The following SRGAP1 variants were observed in gnomAD, a reference collection of about 807,000 sequenced individuals.
The protein encoded by SRGAP1 is SLIT-ROBO Rho GTPase-activating protein 1.
SRGAP1 carries 43 observed loss-of-function variants against 121.9 expected under a neutral mutation model. The observed-to-expected ratio is 0.35, with a 90% confidence interval of 0.28 to 0.46. The LOEUF is 0.46. Ranked by LOEUF, SRGAP1 falls within the 20% of genes least tolerant of loss-of-function variation. The probability of loss-of-function intolerance (pLI) is 1.00; values close to 1 mark genes in which losing one functional copy is unlikely to be tolerated. For missense variants in SRGAP1, 1,102 were observed against 1,350.9 expected, an observed-to-expected ratio of 0.82 and a Z score of 2.89; for synonymous variants, 447 against 485.4, an observed-to-expected ratio of 0.92 and a Z score of 1.04.
At chr12:64,042,193 G>A (rs1488942749) in intron 4 of SRGAP1, among the ~76,000 whole-genome samples, 1 of 151,744 alleles carries the variant, frequency 6.6e-6, no homozygotes, top group African/African-American at 2.4e-5. Context: ...CAGCATACCC[G>A]GCCTATTTTT....
At chr12:64,057,154 A>G (rs1371030274) in intron 6 of SRGAP1, among the ~76,000 whole-genome samples, 1 of 152,114 alleles carries the variant, frequency 6.6e-6, no homozygotes, top group African/African-American at 2.4e-5. Context: ...GCTGAGGCAC[A>G]TGCAACTCAC....
At chr12:63,898,142 C>G (rs1900815292) in intron 1 of SRGAP1, among the ~76,000 whole-genome samples, 1 of 152,176 alleles carries the variant, frequency 6.6e-6, no homozygotes, top group African/African-American at 2.4e-5. Context: ...GTTGGTCTTT[C>G]AAAGCACACA....
intron 4 of SRGAP1, among the ~76,000 whole-genome samples, chr12:64,030,611 C>T (rs1443188779): frequency 1.3e-5 from 2 of 152,046 alleles, no homozygotes; most frequent in Admixed American, 1.3e-4. Flanking sequence ...ATGACTAATG[C>T]CCTGATTTAA....
intron 1 of SRGAP1, among the ~76,000 whole-genome samples, chr12:63,956,495 A>G (rs1038187201): frequency 2.0e-5 from 3 of 152,258 alleles, no homozygotes; most frequent in African/African-American, 7.2e-5. Flanking sequence ...CAACTTGTGT[A>G]AACGCCTTTA....
chr12:63,857,286 C>T (rs1267958113), intron 1 of SRGAP1, among the ~76,000 whole-genome samples: 1 of 152,044 alleles, frequency 6.6e-6, no homozygotes, highest in African/African-American at 2.4e-5. Context: ...TCCATGTTGG[C>T]CAGGCTGGTC....
At chr12:63,871,747 G>A (rs1899861829) in intron 1 of SRGAP1, 1 of 1,062,138 alleles carries the variant, frequency 9.4e-7, no homozygotes, top group Admixed American at 1.8e-5. Flanking sequence ...GTTTAGAACT[G>A]GATCACTTGG....
chr12:63,911,519 C>T (rs1258929102), intron 1 of SRGAP1, among the ~76,000 whole-genome samples: 4 of 152,096 alleles, frequency 2.6e-5, no homozygotes, highest in Admixed American at 2.0e-4. Flanking sequence ...GAAAAGACTT[C>T]GCTAGATTTG....
At chr12:64,132,237 C>A (rs2036796207) in intron 21 of SRGAP1, among the ~76,000 whole-genome samples, 1 of 152,166 alleles carries the variant, frequency 6.6e-6, no homozygotes. Flanking sequence ...ATCCTAGAGG[C>A]CTCCGCTGTG....
intron 8 of SRGAP1, among the ~76,000 whole-genome samples, chr12:64,069,582 G>C (rs767778610): frequency 1.3e-5 from 2 of 152,158 alleles, no homozygotes; most frequent in Admixed American, 6.5e-5. Flanking sequence ...CTGCCACACA[G>C]CCTTGTTCCC....
At chr12:63,887,106 T>C (rs899234274) in intron 1 of SRGAP1, among the ~76,000 whole-genome samples, 3 of 151,616 alleles carry the variant, frequency 2.0e-5, no homozygotes, top group African/African-American at 7.3e-5. Context: ...ACTCCTGATC[T>C]CAGGTGATCC....
At chr12:63,983,841 TATATATATA>T in intron 1 of SRGAP1, 97 bp from the exon 2 acceptor site, 2 of 106,672 alleles carry the variant, frequency 1.9e-5, no homozygotes, top group East Asian at 2.6e-4. Flanking sequence ...TATATATATA[TATATATATA>T]TATATTTATA....
At chr12:64,012,118 C>A (rs961800558) in intron 3 of SRGAP1, among the ~76,000 whole-genome samples, 2 of 152,088 alleles carry the variant, frequency 1.3e-5, no homozygotes, top group African/African-American at 4.8e-5. Flanking sequence ...TCTCTTATTT[C>A]TTCAGTATTC....
chr12:64,147,473 A>G lies in SRGAP1; in HGVS notation c.*4801A>G, dbSNP rs1251095843. ...GTGCCTCGGTGCTCAGTAATGTCCC[A>G]TCTCACCTCCCTGTCGGTCCTCAGA... On this transcript the variant is annotated 3_prime_UTR_variant, in exon 22 of 22. Coordinates refer to ENST00000355086, the MANE Select transcript of SRGAP1 (RefSeq NM_020762.4). 1 of 395,934 alleles carries G rather than the reference A, an allele frequency of 2.5e-6. No homozygotes were observed. Among genetic ancestry groups the G allele is most frequent in the African/African-American group, 2.1e-5 (1 of 47,672 alleles). The allele number at this position is 395,934 out of a possible 1,614,324, so 24.5% of individuals were successfully genotyped here.
chr12:63,891,159 C>T (rs1420367063), intron 1 of SRGAP1, among the ~76,000 whole-genome samples: 1 of 152,200 alleles, frequency 6.6e-6, no homozygotes, highest in Non-Finnish European at 1.5e-5. Context: ...CTCATGGAGG[C>T]CTTGGATGCC....
At chr12:63,851,649 G>A (rs1351908004) in intron 1 of SRGAP1, among the ~76,000 whole-genome samples, 5 of 149,552 alleles carry the variant, frequency 3.3e-5, no homozygotes, top group African/African-American at 9.8e-5. Flanking sequence ...GTGCAGTGGC[G>A]GGACTCTCAG....
intron 3 of SRGAP1, among the ~76,000 whole-genome samples, chr12:63,995,823 T>A (rs1317710148): frequency 6.6e-6 from 1 of 152,090 alleles, no homozygotes; most frequent in Non-Finnish European, 1.5e-5. Flanking sequence ...GATTCATACT[T>A]ATTTTTTATT....
At chr12:63,967,218 A>T (rs1023421393) in intron 1 of SRGAP1, among the ~76,000 whole-genome samples, 8 of 152,070 alleles carry the variant, frequency 5.3e-5, no homozygotes, top group Non-Finnish European at 1.0e-4. Context: ...GGGTGGGAGG[A>T]TCACTTCTCC....
Position 64,161,919 on chromosome 12 carries a change from C to T in SRGAP1, c.*19247C>T, listed in dbSNP as rs2037211732. The T allele has an allele frequency of 1.3e-5, 2 of 152,282 alleles. No homozygotes were observed. The highest frequency in any genetic ancestry group is 2.9e-5 in the Non-Finnish European group (2 of 68,014). 9.4% of individuals were successfully genotyped at this position (152,282 alleles called of 1,614,324 possible). ...AAGAACGGAGTACTGATACACGCTA[C>T]AACATGGGTAAACTGAAAACATTAT... is the stretch of plus-strand genomic sequence containing the variant. On this transcript the variant is annotated 3_prime_UTR_variant, in exon 22 of 22. Coordinates refer to ENST00000355086, the MANE Select transcript of SRGAP1 (RefSeq NM_020762.4).
chr12:63,919,116 A>T (rs1383411441), intron 1 of SRGAP1, among the ~76,000 whole-genome samples: 14 of 151,922 alleles, frequency 9.2e-5, no homozygotes, highest in Non-Finnish European at 2.9e-5. Context: ...GCAGTGGTGT[A>T]ATCTCAGCTC....
Sources: allele counts gnomAD v4.1 joint callset (sites outside exome capture counted in the v4.1 genomes callset), GRCh38; gene constraint gnomAD v4.1.1; transcripts MANE v1.5; gene names NCBI Gene and HGNC (gene_info 2026-07-23, HGNC 2026-07-21).